Variants in ABCD3 observed in about 807,000 individuals in gnomAD.
ABCD3 encodes ATP-binding cassette sub-family D member 3.
Under a neutral mutation model 105.5 loss-of-function variants are expected in ABCD3, and 41 were observed. That is an observed-to-expected ratio of 0.39 (90% CI 0.30 to 0.50). The LOEUF (loss-of-function observed/expected upper bound fraction) is 0.50, where lower values mean the gene tolerates loss of function less well. ABCD3 is among the 20% of genes least tolerant of loss of function. ABCD3 has a pLI of 0.84. For synonymous variants in ABCD3, 258 were observed against 269.0 expected (o/e 0.96, Z 0.40); for missense variants, 622 against 806.3 (o/e 0.77, Z 2.77).
At chr1:94,504,825 A>G (rs1201426921) in intron 20 of ABCD3, among the ~76,000 whole-genome samples, 1 of 152,218 alleles carries the variant, frequency 6.6e-6, no homozygotes, top group African/African-American at 2.4e-5. Flanking sequence ...CTTGTAGTCT[A>G]TCCAGACAGG....
chr1:94,511,375 C>T lies in ABCD3; in HGVS notation c.1846-3771C>T, dbSNP rs9659414. On this transcript the variant is annotated intron_variant, in intron 21 of 22. Transcript: ENST00000370214. ...CCGAGAGATCCGCTGTTAGTCTAATCGGCTTCCCTTTGTGGGTAACCCGAC... is the reference window on the plus strand; with the variant it reads ...CCGAGAGATCCGCTGTTAGTCTAATTGGCTTCCCTTTGTGGGTAACCCGAC... 5.9e-5 allele frequency among the ~76,000 whole-genome samples: 9 copies of T among 152,054 alleles called. No individual in the cohort carries two copies. In the South Asian group the frequency reaches 8.3e-4, roughly 14 times the overall value.
At chr1:94,437,660 G>C (rs563419856) in intron 1 of ABCD3, among the ~76,000 whole-genome samples, 1 of 152,334 alleles carries the variant, frequency 6.6e-6, no homozygotes, top group South Asian at 2.1e-4. Context: ...GGATTAAGGA[G>C]TAATTTTGAC....
the ABCD3 span, among the ~76,000 whole-genome samples, chr1:94,402,351 C>T: frequency 6.6e-6 from 1 of 152,146 alleles, no homozygotes; most frequent in Admixed American, 6.5e-5. Flanking sequence ...CTTAAAATGG[C>T]ACAAACACTC....
rs1308849332 is a variant in ABCD3, at chr1:94,418,533, G to T, written c.55G>T (p.Ala19Ser). ...GCGAAACTCCTCGCTGGCTGGTGCC[G>T]CGTTCCTGCTGCTCTGCCTGCTCCA... ...TARNSSLAGAAFLLLCLLHKR... is the reference protein window; with the variant it reads ...TARNSSLAGASFLLLCLLHKR... Residue 19 changes from alanine to serine, a missense_variant, in exon 1 of 23, where the codon GCG becomes TCG. By Grantham distance (99) the Ala-to-Ser change is moderately conservative (BLOSUM62 1). Transcript: ENST00000370214. The T allele has an allele frequency of 6.2e-7, 1 of 1,605,392 alleles. No homozygotes were observed.
At chr1:94,503,906 CTTTTTTTTT>C (rs71097203) in intron 20 of ABCD3, among the ~76,000 whole-genome samples, 1 of 69,804 alleles carries the variant, frequency 1.4e-5, no homozygotes, top group African/African-American at 5.6e-5. Context: ...ACAAGTGATT[CTTTTTTTTT>C]TTTTTTTTTT....
At chr1:94,391,678 A>G in the ABCD3 span, among the ~76,000 whole-genome samples, 9 of 152,180 alleles carry the variant, frequency 5.9e-5, no homozygotes, top group Non-Finnish European at 1.0e-4. Flanking sequence ...GGATCCTCCT[A>G]GGAAACATTG....
the ABCD3 span, among the ~76,000 whole-genome samples, chr1:94,396,548 C>T: frequency 3.3e-5 from 5 of 152,152 alleles, no homozygotes; most frequent in South Asian, 4.2e-4. Flanking sequence ...TCTTTCCTCT[C>T]GTCTGCCTCT....
intron 13 of ABCD3, among the ~76,000 whole-genome samples, chr1:94,488,989 G>A (rs531125805): frequency 6.6e-6 from 1 of 152,004 alleles, no homozygotes; most frequent in South Asian, 2.1e-4. Context: ...ATGAATATGG[G>A]AATAAGTTAT....
intron 1 of ABCD3, among the ~76,000 whole-genome samples, chr1:94,434,825 C>A (rs776675054): frequency 6.6e-6 from 1 of 152,216 alleles, no homozygotes. Flanking sequence ...ACTGCAGAAG[C>A]CTTCCACATG....
chr1:94,427,822 G>A (rs1039409100), intron 1 of ABCD3, among the ~76,000 whole-genome samples: 1 of 152,128 alleles, frequency 6.6e-6, no homozygotes, highest in Non-Finnish European at 1.5e-5. Flanking sequence ...TGTTTAAAAT[G>A]GCATTTATAT....
chr1:94,413,199 G>T, the ABCD3 span, among the ~76,000 whole-genome samples: 1 of 151,576 alleles, frequency 6.6e-6, no homozygotes, highest in South Asian at 2.1e-4. Flanking sequence ...TATTTTTATG[G>T]TATCTTTTTT....
chr1:94,459,881 A>G (rs1449685168), intron 2 of ABCD3, among the ~76,000 whole-genome samples: 3 of 152,198 alleles, frequency 2.0e-5, no homozygotes, highest in African/African-American at 4.8e-5. Context: ...TTTTATGCCT[A>G]GCTTCTTTCA....
Position 94,517,349 on chromosome 1 carries a change from G to A in ABCD3, c.*220G>A, listed in dbSNP as rs922597843. The A allele has an allele frequency of 1.7e-5, 8 of 464,182 alleles. No homozygotes were observed. Among genetic ancestry groups the A allele is most frequent in the African/African-American group, 1.2e-4 (6 of 50,150 alleles). 28.8% of individuals were successfully genotyped at this position (464,182 alleles called of 1,614,324 possible). A position where few individuals can be genotyped will look rare whatever the true frequency, so the allele number is the denominator to read the frequency against. ...TATATGTTGGTTTAATTAATAATAT[G>A]TACTAAGAATGTCCTTATTCTTGTG... On this transcript the variant is annotated 3_prime_UTR_variant, in exon 23 of 23. Transcript: ENST00000370214.
chr1:94,507,921 T>A (rs1383930768), intron 21 of ABCD3, among the ~76,000 whole-genome samples: 3 of 148,090 alleles, frequency 2.0e-5, no homozygotes, highest in African/African-American at 7.5e-5. Context: ...GTTGCGAAAA[T>A]TTTCTCCCAT....
the ABCD3 span, among the ~76,000 whole-genome samples, chr1:94,387,951 C>T: frequency 2.3e-4 from 35 of 152,212 alleles, no homozygotes; most frequent in African/African-American, 7.5e-4. Context: ...ACTTATGATA[C>T]AAATGAGGGA....
At chr1:94,404,935 C>G in the ABCD3 span, among the ~76,000 whole-genome samples, 1 of 141,052 alleles carries the variant, frequency 7.1e-6, no homozygotes, top group Non-Finnish European at 1.5e-5. Context: ...CGAGACCCAT[C>G]TCGAAAAAAA....
chr1:94,392,397 C>T, the ABCD3 span, among the ~76,000 whole-genome samples: 2 of 152,336 alleles, frequency 1.3e-5, no homozygotes, highest in East Asian at 1.9e-4. Context: ...ACAAAAAACA[C>T]ATGACATGAG....
intron 1 of ABCD3, among the ~76,000 whole-genome samples, chr1:94,454,886 A>G (rs1052828146): frequency 3.3e-5 from 5 of 152,234 alleles, no homozygotes; most frequent in African/African-American, 1.2e-4. Context: ...TCCTGACCTC[A>G]AGCGATCCAC....
chr1:94,498,170 A>G (rs934720969), intron 16 of ABCD3, among the ~76,000 whole-genome samples: 1 of 152,130 alleles, frequency 6.6e-6, no homozygotes, highest in Admixed American at 6.6e-5. Flanking sequence ...GACTCAAGCA[A>G]TCCTCCCACC....
Sources: gnomAD v4.1 joint callset for allele counts (sites outside exome capture counted in the v4.1 genomes callset) on GRCh38, gnomAD v4.1.1 for gene constraint, MANE v1.5 for transcripts, NCBI Gene and HGNC (gene_info 2026-07-23, HGNC 2026-07-21) for gene names.